DYRK1A: variants seen among roughly 807,000 people sequenced by gnomAD.
The protein encoded by DYRK1A is dual specificity tyrosine-phosphorylation-regulated kinase 1A.
A neutral mutation model predicts 79.7 loss-of-function variants in DYRK1A; 9 were observed. The observed-to-expected ratio is 0.11, with a 90% CI of 0.07 to 0.20. The LOEUF (loss-of-function observed/expected upper bound fraction) is 0.20. Among genes scored for constraint, DYRK1A ranks in the 10% least tolerant of loss-of-function variants. The pLI is 1.00. For missense variants in DYRK1A, 622 were observed against 956.0 expected, an observed-to-expected ratio of 0.65 and a Z score of 4.61; for synonymous variants, 349 against 329.7, an observed-to-expected ratio of 1.06 and a Z score of -0.63.
chr21:37,377,867 T>G (rs2049579003), intron 1 of DYRK1A, among the ~76,000 whole-genome samples: 1 of 152,232 alleles, frequency 6.6e-6, no homozygotes, highest in Non-Finnish European at 1.5e-5. Flanking sequence ...TAAACAATGC[T>G]GGTGCGTACT....
intron 2 of DYRK1A, among the ~76,000 whole-genome samples, chr21:37,447,631 GACCCCTGCTC>G (rs2051315843): frequency 6.6e-6 from 1 of 152,162 alleles, no homozygotes; most frequent in Non-Finnish European, 1.5e-5. Flanking sequence ...AAAGCTTGCT[GACCCCTGCTC>G]AGGATGTAGC....
intron 2 of DYRK1A, among the ~76,000 whole-genome samples, chr21:37,439,867 A>AT (rs1431120935): frequency 3.9e-5 from 6 of 151,950 alleles, no homozygotes; most frequent in Non-Finnish European, 8.8e-5. Context: ...CATGGTTTTT[A>AT]TTTTTTAGTT....
chr21:37,368,318 C>T (rs1046915636), intron 1 of DYRK1A, among the ~76,000 whole-genome samples: 2 of 152,208 alleles, frequency 1.3e-5, no homozygotes, highest in African/African-American at 2.4e-5. Context: ...TGTGTATCGC[C>T]ACAAAACTTC....
intron 9 of DYRK1A, among the ~76,000 whole-genome samples, chr21:37,498,786 T>C (rs1264309593): frequency 1.3e-5 from 2 of 152,230 alleles, no homozygotes; most frequent in African/African-American, 4.8e-5. Flanking sequence ...ATTCCCATGA[T>C]GTATGAGGGT....
At chr21:37,482,429 A>G (rs1371922069) in intron 5 of DYRK1A, among the ~76,000 whole-genome samples, 1 of 152,166 alleles carries the variant, frequency 6.6e-6, no homozygotes, top group African/African-American at 2.4e-5. Flanking sequence ...AAAACCAGCA[A>G]GTTTTTATTA....
At chr21:37,477,166 A>T (rs891905561) in intron 3 of DYRK1A, among the ~76,000 whole-genome samples, 8 of 152,054 alleles carry the variant, frequency 5.3e-5, no homozygotes, top group African/African-American at 1.9e-4. Context: ...TCTTAGTATG[A>T]TGTGTTTACT....
chr21:37,428,086 C>G (rs1004403984), intron 2 of DYRK1A, among the ~76,000 whole-genome samples: 1 of 152,118 alleles, frequency 6.6e-6, no homozygotes, highest in African/African-American at 2.4e-5. Context: ...GGTTCGGTAG[C>G]CTGCCCCAGG....
chr21:37,498,191 T>G (rs956364435), intron 9 of DYRK1A, among the ~76,000 whole-genome samples: 1 of 152,160 alleles, frequency 6.6e-6, no homozygotes, highest in African/African-American at 2.4e-5. Flanking sequence ...TTTTTCCTGG[T>G]GGAGGTGCAG....
intron 8 of DYRK1A, among the ~76,000 whole-genome samples, chr21:37,495,152 TTGTGTGTGTGTGTGTGTGTGTG>T (rs56226706): frequency 2.8e-4 from 39 of 137,740 alleles, no homozygotes; most frequent in South Asian, 9.9e-4. Context: ...CTCTGGGATT[TTGTGTGTGTGTGTGTGTGTGTG>T]TGTGTGTGTG....
At chr21:37,458,300 G>A (rs1601155809) in intron 2 of DYRK1A, among the ~76,000 whole-genome samples, 1 of 151,048 alleles carries the variant, frequency 6.6e-6, no homozygotes, top group African/African-American at 2.4e-5. Context: ...GTGTGTGTGT[G>A]TGTGTGTACA....
At chr21:37,502,293 A>T (rs1182194193) in intron 9 of DYRK1A, 2 of 151,658 alleles carry the variant, frequency 1.3e-5, no homozygotes, top group African/African-American at 2.4e-5. Flanking sequence ...GACTTGTCTT[A>T]TTTGTGTTCT....
intron 2 of DYRK1A, among the ~76,000 whole-genome samples, chr21:37,469,642 A>G (rs1419630149): frequency 1.3e-5 from 2 of 152,200 alleles, no homozygotes; most frequent in Non-Finnish European, 2.9e-5. Flanking sequence ...CATGTCTTAC[A>G]TGGCCTGCAA....
At chr21:37,375,662 A>G (rs2049524807) in intron 1 of DYRK1A, among the ~76,000 whole-genome samples, 1 of 151,542 alleles carries the variant, frequency 6.6e-6, no homozygotes, top group Admixed American at 6.6e-5. Context: ...AGTAGCTGGA[A>G]TTACAGGTGC....
intron 1 of DYRK1A, among the ~76,000 whole-genome samples, chr21:37,406,894 T>G (rs1417107474): frequency 6.7e-6 from 1 of 149,164 alleles, no homozygotes; most frequent in African/African-American, 2.4e-5. Flanking sequence ...ATTACCGTTA[T>G]TTAGAAAAAA....
chr21:37,374,137 G>A (rs923651565), intron 1 of DYRK1A, among the ~76,000 whole-genome samples: 1 of 151,910 alleles, frequency 6.6e-6, no homozygotes, highest in African/African-American at 2.4e-5. Flanking sequence ...TGATTGCTGT[G>A]CTTGTATCAC....
upstream of DYRK1A, among the ~76,000 whole-genome samples, chr21:37,366,493 C>T (rs1291619001): frequency 1.4e-5 from 2 of 147,144 alleles, no homozygotes; most frequent in Non-Finnish European, 3.0e-5. Flanking sequence ...CCAGCCCCTA[C>T]CCTCCCTCGG....
intron 1 of DYRK1A, among the ~76,000 whole-genome samples, chr21:37,408,005 C>CA (rs5843826): frequency 0.28 from 41,196 of 147,476 alleles, 6,822 homozygotes; most frequent in African/African-American, 0.46. Context: ...ATGAATGCTT[C>CA]AAAAAAAAAA....
rs3216074 is a variant in DYRK1A at position 37,417,529 on chromosome 21, C to CTTTTT, written c.-76-2749_-76-2745dup. ...TTCTTTTCTTTTTCTTTTTCTTTTT[C>CTTTTT]TTTTTTTTTTTTTTTTTTTTTTTTT... On this transcript the variant is annotated intron_variant, in intron 1 of 11. Transcript: ENST00000647188. Among the ~76,000 whole-genome samples the CTTTTT allele has an allele frequency of 4.5e-3, 197 of 43,974 alleles. 13 individuals are homozygous for CTTTTT. Among genetic ancestry groups the CTTTTT allele is most frequent in the African/African-American group, 0.019 (182 of 9,726 alleles). The allele number at this position is 43,974 out of a possible 152,430, so 28.8% of individuals were successfully genotyped here. A position where few individuals can be genotyped will look rare whatever the true frequency, so the allele number is the denominator to read the frequency against.
chr21:37,443,178 C>G (rs1204389270), intron 2 of DYRK1A, among the ~76,000 whole-genome samples: 1 of 151,988 alleles, frequency 6.6e-6, no homozygotes, highest in East Asian at 1.9e-4. Flanking sequence ...GAGACAGGGT[C>G]TTGCTCTGGG....
Sources: gnomAD v4.1 joint callset for allele counts (sites outside exome capture counted in the v4.1 genomes callset) on GRCh38, gnomAD v4.1.1 for gene constraint, MANE v1.5 for transcripts, NCBI Gene and HGNC (gene_info 2026-07-23, HGNC 2026-07-21) for gene names.